RBL1: variants seen among roughly 807,000 people sequenced by gnomAD.
RBL1 encodes the protein RB transcriptional corepressor like 1.
RBL1 carries 82 observed loss-of-function variants against 123.0 expected under a neutral mutation model. That is an observed-to-expected ratio of 0.67 (90% confidence interval 0.56 to 0.80). RBL1 has a LOEUF of 0.80. Among genes scored for constraint, RBL1 ranks in the 30% least tolerant of loss-of-function variants. The probability of loss-of-function intolerance (pLI) is 0.00; values close to 1 mark genes in which losing one functional copy is unlikely to be tolerated. For missense variants in RBL1, 1,171 were observed against 1,299.6 expected, an observed-to-expected ratio of 0.90 and a Z score of 1.52; for synonymous variants, 405 against 441.3, an observed-to-expected ratio of 0.92 and a Z score of 1.03.
intron 12 of RBL1, among the ~76,000 whole-genome samples, chr20:37,044,683 C>T (rs904223453): frequency 6.6e-5 from 10 of 152,128 alleles, no homozygotes; most frequent in African/African-American, 2.4e-4. Context: ...CATCTTTGAA[C>T]CATAATTCTG....
At chr20:37,043,622 A>G (rs1568851604) in intron 13 of RBL1, among the ~76,000 whole-genome samples, 1 of 152,148 alleles carries the variant, frequency 6.6e-6, no homozygotes, top group African/African-American at 2.4e-5. Context: ...TCAGTGCACC[A>G]TCTTTGTCCA....
At position 37,022,736 on chromosome 20, in the gene RBL1, C is replaced by G. The variant is rs77376862; in HGVS notation, c.2473G>C (p.Glu825Gln). ...ELRRKIWTCF[E>Q]FTLVHCPDLM... ...TCAGGACAGTGAACTAAAGTGAATT[C>G]AAAACACGTCCATATCTTCCTTCGT... The change falls in exon 17 of 22, where the codon GAA becomes CAA. Residue 825 changes from glutamate to glutamine, a missense_variant. By Grantham distance (29) the Glu-to-Gln change is conservative. Transcript: ENST00000373664. The G allele has an allele frequency of 1.9e-6, 3 of 1,613,888 alleles. No homozygotes were observed. Among genetic ancestry groups the G allele is most frequent in the Non-Finnish European group, 2.5e-6 (3 of 1,179,860 alleles).
At chr20:37,052,989 C>T (rs1347902354) in intron 11 of RBL1, among the ~76,000 whole-genome samples, 2 of 152,158 alleles carry the variant, frequency 1.3e-5, no homozygotes, top group African/African-American at 2.4e-5. Flanking sequence ...ATCAAGAAGG[C>T]AGACAGCAAT....
At chr20:37,003,537 A>T in intron 21 of RBL1, 165 bp downstream of exon 21, 2 of 1,218,892 alleles carry the variant, frequency 1.6e-6, no homozygotes, top group Non-Finnish European at 2.1e-6. Context: ...AAACTACCTC[A>T]AACTGAATAT....
At chr20:37,045,125 G>A (rs898290745) in intron 12 of RBL1, among the ~76,000 whole-genome samples, 7 of 119,052 alleles carry the variant, frequency 5.9e-5, no homozygotes, top group African/African-American at 1.8e-4. Flanking sequence ...TATTTATTTT[G>A]AGACGGAGTC....
chr20:37,077,559 G>C (rs983510684), intron 2 of RBL1, among the ~76,000 whole-genome samples: 7 of 152,106 alleles, frequency 4.6e-5, no homozygotes, highest in Admixed American at 4.6e-4. Context: ...AAGACTCAAA[G>C]TGCAGTCTCC....
At chr20:37,049,693 C>A in intron 11 of RBL1, 2 of 733,908 alleles carry the variant, frequency 2.7e-6, no homozygotes, top group Non-Finnish European at 5.0e-6. Context: ...CTTCAACAAA[C>A]CAGAAGATAA....
Position 37,035,508 on chromosome 20 carries a change from T to C in RBL1, c.1904A>G (p.Asp635Gly). ...AGAAATTGGAGACAATGGTTGCATA[T>C]CTAAAAAAAAATAATAAATTTAAAA... ...VRTDSGSLRR[D>G]MQPLSPISVH... is the part of the protein sequence containing the mutation. Residue 635 changes from aspartate (D) to glycine (G), a missense_variant and splice_region_variant, in exon 15 of 22, where the codon GAT (aspartate) becomes GGT (glycine). Coordinates refer to ENST00000373664, the MANE Select transcript of RBL1 (RefSeq NM_002895.5). The C allele has an allele frequency of 5.2e-6, 8 of 1,550,838 alleles. No individual in the cohort carries two copies. Among genetic ancestry groups the C allele is most frequent in the Non-Finnish European group, 6.9e-6 (8 of 1,151,826 alleles).
At chr20:37,056,099 G>C (rs745699680) in intron 10 of RBL1, 47 bp downstream of exon 10, 2 of 1,559,386 alleles carry the variant, frequency 1.3e-6, no homozygotes, top group Admixed American at 2.0e-5. Context: ...ATTTTGGGGG[G>C]ATTACTTATT....
intron 11 of RBL1, among the ~76,000 whole-genome samples, chr20:37,052,604 G>C (rs1600536366): frequency 6.6e-6 from 1 of 152,188 alleles, no homozygotes; most frequent in Non-Finnish European, 1.5e-5. Flanking sequence ...CCACCTCCTG[G>C]GTTCAAGCGA....
intron 11 of RBL1, among the ~76,000 whole-genome samples, chr20:37,049,039 C>CA (rs1386540114): frequency 1.3e-5 from 2 of 151,368 alleles, no homozygotes; most frequent in Non-Finnish European, 2.9e-5. Flanking sequence ...CCATCTCTAC[C>CA]AAAAAACACA....
chr20:37,061,157 C>G lies in RBL1; in HGVS notation c.1196G>C (p.Ser399Thr), dbSNP rs781040203. Residue 399 changes from serine to threonine, a missense_variant, in exon 9 of 22, where the codon AGT becomes ACT. Physicochemically the swap from Ser to Thr is moderately conservative, Grantham distance 58. Coordinates refer to ENST00000373664, the MANE Select transcript of RBL1 (RefSeq NM_002895.5). ...SATQSVSRLQSIVAGLKNAPS... is the reference protein window; with the variant it reads ...SATQSVSRLQTIVAGLKNAPS... ...TGCATTTTTCAGACCAGCCACAATACTCTGTAACCGGCTCACACTTTGGGT... is the reference window on the plus strand; with the variant it reads ...TGCATTTTTCAGACCAGCCACAATAGTCTGTAACCGGCTCACACTTTGGGT... The G allele has an allele frequency of 1.9e-6, 3 of 1,613,730 alleles. No individual in the cohort carries two copies. Among genetic ancestry groups the G allele is most frequent in the Non-Finnish European group, 2.5e-6 (3 of 1,179,772 alleles).
At chr20:37,045,197 C>T (rs767828534) in intron 12 of RBL1, among the ~76,000 whole-genome samples, 15 of 151,928 alleles carry the variant, frequency 9.9e-5, no homozygotes, top group Non-Finnish European at 1.8e-4. Flanking sequence ...ATCTCTGCCT[C>T]CCAGGTTCAA....
At chr20:37,069,680 G>A (rs1316572045) in intron 2 of RBL1, among the ~76,000 whole-genome samples, 63 of 150,044 alleles carry the variant, frequency 4.2e-4, no homozygotes, top group African/African-American at 1.1e-3. Flanking sequence ...CTCTCCGCCC[G>A]ACAGCCACCC....
intron 11 of RBL1, among the ~76,000 whole-genome samples, chr20:37,047,657 G>T (rs924819435): frequency 6.6e-6 from 1 of 152,074 alleles, no homozygotes; most frequent in African/African-American, 2.4e-5. Context: ...TTTTAAAAAT[G>T]GTATTTGTTG....
chr20:36,999,737 G>T lies in RBL1; in HGVS notation c.3037-808C>A, dbSNP rs570564771. 2.2e-4 allele frequency among the ~76,000 whole-genome samples: 33 copies of T among 152,330 alleles called. No individual in the cohort carries two copies. The South Asian group carries it at 5.8e-3, about 27-fold the overall frequency. On this transcript the variant is annotated intron_variant, in intron 21 of 21. Transcript: ENST00000373664. ...TCCAGCTCCTAACCGCGAGTGATCCGCCAGCCTCGGCCTCCCGAGGTGCCG... is the reference window on the plus strand; with the variant it reads ...TCCAGCTCCTAACCGCGAGTGATCCTCCAGCCTCGGCCTCCCGAGGTGCCG...
intron 11 of RBL1, among the ~76,000 whole-genome samples, chr20:37,050,405 T>A (rs2064888863): frequency 6.6e-6 from 1 of 150,424 alleles, no homozygotes; most frequent in Non-Finnish European, 1.5e-5. Context: ...ATTAGCCAGG[T>A]GTGGTGGCTG....
Position 37,062,165 on chromosome 20 carries a change from T to C in RBL1, c.1002A>G (p.Arg334=), listed in dbSNP as rs759068627. The C allele has an allele frequency of 1.9e-6, 3 of 1,614,086 alleles. No individual in the cohort carries two copies. The highest frequency in any genetic ancestry group is 1.1e-5 in the South Asian group (1 of 91,088). Residue 334 remains arginine (R), a synonymous_variant, in exon 8 of 22, where the codon CGA becomes CGG. Coordinates refer to ENST00000373664, the MANE Select transcript of RBL1 (RefSeq NM_002895.5). The stretch of plus-strand genomic sequence containing the variant: ...CTAATGGGGTGTCACGAGTGAACTT[T>C]CGAGGTGTTCCAATTTCCTCTTCTG... ...ADAEEEIGTP[R]KFTRDTPLGK...
At chr20:36,999,801 G>A (rs1341154304) in intron 21 of RBL1, among the ~76,000 whole-genome samples, 1 of 152,216 alleles carries the variant, frequency 6.6e-6, no homozygotes, top group African/African-American at 2.4e-5. Flanking sequence ...GTGCTCAATG[G>A]TGCCCAGGCT....
Sources: allele counts gnomAD v4.1 joint callset (sites outside exome capture counted in the v4.1 genomes callset), GRCh38; gene constraint gnomAD v4.1.1; transcripts MANE v1.5; gene names NCBI Gene and HGNC (gene_info 2026-07-23, HGNC 2026-07-21).